ADGRA3: variants seen among roughly 807,000 people sequenced by gnomAD.
The protein encoded by ADGRA3 is adhesion G protein-coupled receptor A3.
ADGRA3 carries 56 observed loss-of-function variants against 119.8 expected under a neutral mutation model. The observed-to-expected ratio is 0.47, with a 90% CI of 0.38 to 0.58. The LOEUF is 0.58. ADGRA3 is among the 20% of genes least tolerant of loss of function. The pLI, the probability that ADGRA3 is intolerant of heterozygous loss-of-function variation, is 0.00. For missense variants in ADGRA3, 1,516 were observed against 1,649.0 expected, an observed-to-expected ratio of 0.92 and a Z score of 1.40; for synonymous variants, 607 against 623.8, an observed-to-expected ratio of 0.97 and a Z score of 0.40.
intron 3 of ADGRA3, among the ~76,000 whole-genome samples, chr4:22,456,523 C>G (rs1413649001): frequency 6.6e-6 from 1 of 152,186 alleles, no homozygotes; most frequent in Non-Finnish European, 1.5e-5. Context: ...CTTTTGGACT[C>G]TGGAACTTGC....
rs181407672 is a variant in ADGRA3, at chr4:22,494,890, C to A, written c.257+20638G>T. Among the ~76,000 whole-genome samples the A allele has an allele frequency of 2.8e-4, 43 of 151,918 alleles. 1 individual carries two copies. The highest frequency in any genetic ancestry group is 1.0e-3 in the African/African-American group (42 of 41,276). On this transcript the variant is annotated intron_variant, in intron 1 of 18. Coordinates refer to ENST00000334304, the MANE Select transcript of ADGRA3 (RefSeq NM_145290.4). ...TATATGTGGGGCATACTTCCAAGAC[C>A]CCTAGTGGATACTTAAAACCGTGGA...
At chr4:22,421,645 T>A (rs1715686710) in intron 11 of ADGRA3, among the ~76,000 whole-genome samples, 1 of 152,062 alleles carries the variant, frequency 6.6e-6, no homozygotes, top group African/African-American at 2.4e-5. Context: ...AGATGTTAAT[T>A]TAAATAGTAG....
chr4:22,497,133 T>C lies in ADGRA3; in HGVS notation c.257+18395A>G, dbSNP rs141061381. On this transcript the variant is annotated intron_variant, in intron 1 of 18. Transcript: ENST00000334304. ...GGAACAGAGGGAGACAACAGAGGGT[T>C]GACAGGGAATCAGCCAGAACACTGG... 6.1e-4 allele frequency among the ~76,000 whole-genome samples: 93 copies of C among 152,282 alleles called. 1 individual carries two copies. Among genetic ancestry groups the C allele is most frequent in the African/African-American group, 2.1e-3 (86 of 41,558 alleles).
chr4:22,407,141 G>C (rs974650801), intron 14 of ADGRA3, among the ~76,000 whole-genome samples: 2 of 152,108 alleles, frequency 1.3e-5, no homozygotes, highest in African/African-American at 4.8e-5. Context: ...CGTGGTGGTG[G>C]GTGCCTGTAG....
In ADGRA3 at chr4:22,388,804, G is replaced by C; in HGVS notation, c.2867C>G (p.Thr956Arg). ...GGCTGCCAATCTCTGTTGCTCCTCCGTGGGCTCCTTAAGCTCATATTTGCG... is the reference window on the plus strand; with the variant it reads ...GGCTGCCAATCTCTGTTGCTCCTCCCTGGGCTCCTTAAGCTCATATTTGCG... ...PERKYELKEP[T>R]EEQQRLAANE... The change falls in exon 19 of 19, where the codon ACG becomes AGG. Residue 956 changes from threonine (T) to arginine (R), a missense_variant. Coordinates refer to ENST00000334304, the MANE Select transcript of ADGRA3 (RefSeq NM_145290.4). The C allele has an allele frequency of 6.2e-7, 1 of 1,613,970 alleles. No individual in the cohort carries two copies. The highest frequency in any genetic ancestry group is 8.5e-7 in the Non-Finnish European group (1 of 1,179,964).
intron 14 of ADGRA3, among the ~76,000 whole-genome samples, chr4:22,411,045 A>T (rs568232859): frequency 6.6e-6 from 1 of 152,354 alleles, no homozygotes; most frequent in South Asian, 2.1e-4. Context: ...GTTCACAAAT[A>T]GATGCTTTAA....
intron 3 of ADGRA3, among the ~76,000 whole-genome samples, chr4:22,460,143 G>C (rs4697304): frequency 0.13 from 20,306 of 152,118 alleles, 1,527 homozygotes; most frequent in South Asian, 0.23. Context: ...TGGCTCTCAT[G>C]GCAGGCTGTT....
At chr4:22,432,064 G>A (rs1716198967) in intron 10 of ADGRA3, among the ~76,000 whole-genome samples, 1 of 151,938 alleles carries the variant, frequency 6.6e-6, no homozygotes, top group Non-Finnish European at 1.5e-5. Flanking sequence ...TACAGCATAG[G>A]TATTAATGAT....
chr4:22,401,654 A>C (rs1560297854), intron 15 of ADGRA3, 100 bp from the exon 16 acceptor site: 2 of 783,860 alleles, frequency 2.6e-6, no homozygotes, highest in Non-Finnish European at 3.9e-6. Flanking sequence ...GTAAAAGTTA[A>C]ATATTTGATA....
chr4:22,459,130 T>C (rs1717352101), intron 3 of ADGRA3, among the ~76,000 whole-genome samples: 1 of 152,000 alleles, frequency 6.6e-6, no homozygotes, highest in Admixed American at 6.6e-5. Flanking sequence ...AGATGAAAGA[T>C]ATTTTACTTG....
At chr4:22,474,393 T>C (rs1194852612) in intron 1 of ADGRA3, among the ~76,000 whole-genome samples, 1 of 152,184 alleles carries the variant, frequency 6.6e-6, no homozygotes, top group Admixed American at 6.5e-5. Flanking sequence ...GGCAGCTGAA[T>C]CATAATATAT....
At chr4:22,490,055 A>C (rs2109147176) in intron 1 of ADGRA3, among the ~76,000 whole-genome samples, 1 of 152,360 alleles carries the variant, frequency 6.6e-6, no homozygotes, top group African/African-American at 2.4e-5. Flanking sequence ...ACATTTTAAA[A>C]AATAAAGGAG....
chr4:22,473,435 T>C (rs886918182), intron 2 of ADGRA3, among the ~76,000 whole-genome samples: 1 of 152,220 alleles, frequency 6.6e-6, no homozygotes, highest in African/African-American at 2.4e-5. Flanking sequence ...AAAGATTTAC[T>C]GGAAGACATC....
intron 1 of ADGRA3, among the ~76,000 whole-genome samples, chr4:22,481,630 T>A (rs1347911556): frequency 6.6e-6 from 1 of 152,182 alleles, no homozygotes; most frequent in Non-Finnish European, 1.5e-5. Context: ...TTTTACAGAG[T>A]AAAACAGACG....
chr4:22,501,047 A>G (rs1278741886), intron 1 of ADGRA3, among the ~76,000 whole-genome samples: 1 of 152,004 alleles, frequency 6.6e-6, no homozygotes, highest in African/African-American at 2.4e-5. Flanking sequence ...TGATTCTCAG[A>G]CTCTCAGACC....
chr4:22,436,301 G>GACAGTTAAGTC (rs1716388942), intron 9 of ADGRA3, 139 bp downstream of exon 9: 1 of 645,856 alleles, frequency 1.5e-6, no homozygotes, highest in Admixed American at 3.0e-5. Context: ...TGATCCTGAA[G>GACAGTTAAGTC]ACAGTTAAGT....
At position 22,442,276 on chromosome 4, in the gene ADGRA3, G is replaced by A. The variant is rs1577351173; in HGVS notation, c.920+374C>T. Among the ~76,000 whole-genome samples, 3 of 152,040 alleles carry A rather than the reference G, an allele frequency of 2.0e-5. No homozygotes were observed. The South Asian group carries it at 6.3e-4, about 32-fold the overall frequency. ...GAGAAGATAAGTACCTTAAAATATT[G>A]TATCAGTCAATATTTTGACTAGAGT... is the stretch of plus-strand genomic sequence containing the variant. On this transcript the variant is annotated intron_variant, in intron 7 of 18. Transcript: ENST00000334304.
In ADGRA3 at chr4:22,387,450, A is replaced by G; in HGVS notation, c.*255T>C. ...TTAAGTACAAATTACAGATTCCAAGAAATTACATTTCACATCCCAAAATGT... is the reference window on the plus strand; with the variant it reads ...TTAAGTACAAATTACAGATTCCAAGGAATTACATTTCACATCCCAAAATGT... On this transcript the variant is annotated 3_prime_UTR_variant, in exon 19 of 19. Coordinates refer to ENST00000334304, the MANE Select transcript of ADGRA3 (RefSeq NM_145290.4). The G allele has an allele frequency of 2.6e-6, 1 of 388,592 alleles. No homozygotes were observed. 24.1% of individuals were successfully genotyped at this position (388,592 alleles called of 1,614,324 possible).
At chr4:22,396,127 C>A (rs1004567651) in intron 16 of ADGRA3, among the ~76,000 whole-genome samples, 20 of 152,190 alleles carry the variant, frequency 1.3e-4, no homozygotes, top group African/African-American at 4.6e-4. Context: ...AACACAGATC[C>A]CTTCCAGACT....
Sources: allele counts gnomAD v4.1 joint callset (sites outside exome capture counted in the v4.1 genomes callset), GRCh38; gene constraint gnomAD v4.1.1; transcripts MANE v1.5; gene names NCBI Gene and HGNC (gene_info 2026-07-23, HGNC 2026-07-21).